The following CNTNAP5 variants were observed in gnomAD, a reference collection of about 807,000 sequenced individuals.
CNTNAP5 encodes the protein contactin associated protein family member 5, also known as contactin-associated protein-like 5.
A neutral mutation model predicts 150.2 loss-of-function variants in CNTNAP5; 72 were observed. The observed-to-expected ratio is 0.48, with a 90% CI of 0.40 to 0.58. CNTNAP5 has a LOEUF of 0.58. CNTNAP5 is among the 20% of genes least tolerant of loss of function. The pLI, the probability that CNTNAP5 is intolerant of heterozygous loss-of-function variation, is 0.00. For synonymous variants in CNTNAP5, 672 were observed against 619.8 expected (o/e 1.08, Z -1.25); for missense variants, 1,636 against 1,626.2 (o/e 1.01, Z -0.10).
chr2:124,747,785 CTTCTT>C (rs1485493438), intron 14 of CNTNAP5, among the ~76,000 whole-genome samples: 1,525 of 107,806 alleles, frequency 0.014, 57 homozygotes, highest in African/African-American at 0.052. Flanking sequence ...ACTCCTAACT[CTTCTT>C]TTTTTTTTTT....
chr2:124,454,024 G>A (rs987293217), intron 6 of CNTNAP5, among the ~76,000 whole-genome samples: 9 of 152,060 alleles, frequency 5.9e-5, no homozygotes, highest in Non-Finnish European at 7.4e-5. Context: ...CAAATAGCAC[G>A]ATGAATGAAA....
At chr2:124,720,406 G>A (rs900392) in intron 13 of CNTNAP5, among the ~76,000 whole-genome samples, 149,821 of 152,292 alleles carry the variant, frequency 0.98, 73,732 homozygotes, top group East Asian at 1. Flanking sequence ...CTGTAGACAC[G>A]TCTGGTTGCT....
intron 3 of CNTNAP5, among the ~76,000 whole-genome samples, chr2:124,372,598 A>AT (rs1414577795): frequency 6.6e-6 from 1 of 152,098 alleles, no homozygotes; most frequent in African/African-American, 2.4e-5. Context: ...CAACCTTAGG[A>AT]TGAAGCTGGA....
chr2:124,421,480 C>T (rs757788815), intron 4 of CNTNAP5, among the ~76,000 whole-genome samples: 10 of 152,184 alleles, frequency 6.6e-5, no homozygotes, highest in African/African-American at 9.7e-5. Context: ...GTAACTCTAT[C>T]AGTTGCTTCC....
chr2:124,251,690 G>A (rs1218541849), intron 3 of CNTNAP5, among the ~76,000 whole-genome samples: 20 of 152,094 alleles, frequency 1.3e-4, no homozygotes. Flanking sequence ...ACAAAATGGA[G>A]GAATATGCAC....
At chr2:124,755,735 A>G (rs1458559831) in intron 14 of CNTNAP5, among the ~76,000 whole-genome samples, 2 of 152,198 alleles carry the variant, frequency 1.3e-5, no homozygotes, top group African/African-American at 4.8e-5. Flanking sequence ...TCTCCTTTGC[A>G]CATCTGTCTT....
chr2:124,089,002 G>A (rs1682759805), intron 1 of CNTNAP5, among the ~76,000 whole-genome samples: 1 of 152,134 alleles, frequency 6.6e-6, no homozygotes, highest in African/African-American at 2.4e-5. Flanking sequence ...AGAGAGAACA[G>A]GCTTGTTTTG....
chr2:124,686,094 G>C (rs571176398), intron 13 of CNTNAP5, among the ~76,000 whole-genome samples: 2 of 152,174 alleles, frequency 1.3e-5, no homozygotes, highest in South Asian at 4.1e-4. Flanking sequence ...AGAAATTGGT[G>C]AACAGTCTCC....
At chr2:124,401,417 C>A (rs1691421858) in intron 3 of CNTNAP5, among the ~76,000 whole-genome samples, 1 of 152,146 alleles carries the variant, frequency 6.6e-6, no homozygotes, top group South Asian at 2.1e-4. Context: ...ATTTTATCTT[C>A]TAGTACTAAG....
At chr2:124,845,748 C>CTGGATGTA (rs1297992499) in intron 19 of CNTNAP5, among the ~76,000 whole-genome samples, 3 of 152,132 alleles carry the variant, frequency 2.0e-5, no homozygotes, top group Non-Finnish European at 4.4e-5. Context: ...TATCCATCTC[C>CTGGATGTA]TCTAGGTTCT....
intron 14 of CNTNAP5, among the ~76,000 whole-genome samples, chr2:124,751,760 G>A (rs1021870961): frequency 6.6e-6 from 1 of 152,118 alleles, no homozygotes; most frequent in Non-Finnish European, 1.5e-5. Flanking sequence ...AACTGACTTG[G>A]CCTTGTATAG....
At chr2:124,496,398 G>A (rs1694148377) in intron 7 of CNTNAP5, among the ~76,000 whole-genome samples, 1 of 152,106 alleles carries the variant, frequency 6.6e-6, no homozygotes, top group Non-Finnish European at 1.5e-5. Flanking sequence ...AATTAGATTG[G>A]ATGAAGATCA....
chr2:124,448,840 C>T (rs949771123), intron 6 of CNTNAP5, among the ~76,000 whole-genome samples: 1 of 152,180 alleles, frequency 6.6e-6, no homozygotes, highest in Admixed American at 6.5e-5. Context: ...TAGATTATTG[C>T]ATATTTTATC....
intron 3 of CNTNAP5, among the ~76,000 whole-genome samples, chr2:124,327,355 A>C (rs1387168494): frequency 1.3e-5 from 2 of 152,002 alleles, no homozygotes; most frequent in African/African-American, 2.4e-5. Flanking sequence ...TTGTAAACAA[A>C]ATTCTAACCC....
chr2:124,741,980 C>T (rs1247048209), intron 13 of CNTNAP5, among the ~76,000 whole-genome samples: 1 of 152,024 alleles, frequency 6.6e-6, no homozygotes, highest in Admixed American at 6.6e-5. Context: ...ATGCATTATC[C>T]TGTTTAGGAT....
At chr2:124,070,381 G>T in intron 1 of CNTNAP5, among the ~76,000 whole-genome samples, 1 of 94,546 alleles carries the variant, frequency 1.1e-5, no homozygotes, top group African/African-American at 4.2e-5. Flanking sequence ...AAGAGAAACA[G>T]AGTGGCTGAA....
rs972209685 is a variant in CNTNAP5 at position 124,884,595 on chromosome 2, C to CT, written c.3436+14836dup. On this transcript the variant is annotated intron_variant, in intron 21 of 23. Coordinates refer to ENST00000682447, the MANE Select transcript of CNTNAP5 (RefSeq NM_001367498.1). ...GCCTTTAGTTAGATAACTCCAATGTCTTTATCTTTAGCTCATTTATCTTGG... is the reference window on the plus strand; with the variant it reads ...GCCTTTAGTTAGATAACTCCAATGTCTTTTATCTTTAGCTCATTTATCTTGG... 7.4e-4 allele frequency among the ~76,000 whole-genome samples: 112 copies of CT among 152,056 alleles called. 1 individual carries two copies. Among genetic ancestry groups the CT allele is most frequent in the African/African-American group, 2.6e-3 (108 of 41,494 alleles).
chr2:124,913,371 C>A (rs1271933672), intron 23 of CNTNAP5, among the ~76,000 whole-genome samples: 1 of 151,938 alleles, frequency 6.6e-6, no homozygotes, highest in African/African-American at 2.4e-5. Flanking sequence ...GGGGTGAGAC[C>A]CTAGGGTAAG....
At chr2:124,350,107 C>T (rs1283271345) in intron 3 of CNTNAP5, among the ~76,000 whole-genome samples, 4 of 151,914 alleles carry the variant, frequency 2.6e-5, no homozygotes, top group Admixed American at 2.0e-4. Context: ...TGGTCTTGAT[C>T]TCTTAACCTC....
Sources: allele counts gnomAD v4.1 joint callset (sites outside exome capture counted in the v4.1 genomes callset), GRCh38; gene constraint gnomAD v4.1.1; transcripts MANE v1.5; gene names NCBI Gene and HGNC (gene_info 2026-07-23, HGNC 2026-07-21).